ERBB4: variants seen among roughly 807,000 people sequenced by gnomAD.
ERBB4 encodes the protein erb-b2 receptor tyrosine kinase 4.
A neutral mutation model predicts 158.0 loss-of-function variants in ERBB4; 42 were observed. The observed-to-expected ratio is 0.27, with a 90% CI of 0.21 to 0.34. The LOEUF is 0.34. Ranked by LOEUF, ERBB4 falls within the 10% of genes least tolerant of loss-of-function variation. The pLI is 1.00. For synonymous variants in ERBB4, 583 were observed against 558.7 expected (o/e 1.04, Z -0.61); for missense variants, 1,333 against 1,624.1 (o/e 0.82, Z 3.08).
chr2:211,901,120 A>G (rs938240021), intron 3 of ERBB4, among the ~76,000 whole-genome samples: 7 of 152,148 alleles, frequency 4.6e-5, no homozygotes, highest in African/African-American at 1.7e-4. Flanking sequence ...GATGATGGTG[A>G]ATGAGAGCAT....
At chr2:211,535,902 T>A (rs1482287675) in intron 20 of ERBB4, 1 of 152,070 alleles carries the variant, frequency 6.6e-6, no homozygotes, top group Non-Finnish European at 1.5e-5. Flanking sequence ...ATTATGATAT[T>A]GTGTGCATTT....
intron 1 of ERBB4, among the ~76,000 whole-genome samples, chr2:212,537,932 C>T (rs1334027843): frequency 6.6e-6 from 1 of 152,128 alleles, no homozygotes; most frequent in East Asian, 1.9e-4. Flanking sequence ...AAGGCTCGGG[C>T]GACTGGGGGC....
intron 1 of ERBB4, among the ~76,000 whole-genome samples, chr2:212,402,136 T>C (rs2106465333): frequency 6.6e-6 from 1 of 152,136 alleles, no homozygotes; most frequent in South Asian, 2.1e-4. Flanking sequence ...AGGTGAATGG[T>C]TTAATAAACA....
At chr2:212,450,175 A>G (rs1283312) in intron 1 of ERBB4, among the ~76,000 whole-genome samples, 150,853 of 152,254 alleles carry the variant, frequency 0.99, 74,828 homozygotes, top group Middle Eastern at 1. Flanking sequence ...TAACCTAAAT[A>G]GCAACAGAAT....
intron 20 of ERBB4, among the ~76,000 whole-genome samples, chr2:211,505,996 G>A (rs1422011240): frequency 6.7e-6 from 1 of 150,206 alleles, no homozygotes; most frequent in South Asian, 2.1e-4. Flanking sequence ...AGGTAAACTG[G>A]ATTAAAGAAA....
intron 20 of ERBB4, among the ~76,000 whole-genome samples, chr2:211,487,562 T>C (rs1219995337): frequency 6.6e-6 from 1 of 152,094 alleles, no homozygotes; most frequent in African/African-American, 2.4e-5. Flanking sequence ...TTTTCTATTT[T>C]ATTGTACAAG....
chr2:211,591,586 G>T lies in ERBB4; in HGVS notation c.2301+27591C>A, dbSNP rs116605279. 7.9e-3 allele frequency among the ~76,000 whole-genome samples: 1,207 copies of T among 152,298 alleles called. 20 individuals are homozygous for T. The highest frequency in any genetic ancestry group is 0.028 in the African/African-American group (1,148 of 41,552). ...ATCATCTCCAAGCCCTCTGGGCAGA[G>T]TAAGCACTCTGTTCTCCAGGCTCCC... is the stretch of plus-strand genomic sequence containing the variant. On this transcript the variant is annotated intron_variant, in intron 19 of 27. Transcript: ENST00000342788.
At chr2:211,516,045 G>C (rs1265997714) in intron 20 of ERBB4, among the ~76,000 whole-genome samples, 1 of 149,388 alleles carries the variant, frequency 6.7e-6, no homozygotes, top group African/African-American at 2.5e-5. Context: ...CTCCTGAGTA[G>C]CTGGGACTAC....
chr2:212,426,521 C>A (rs1308987249), intron 1 of ERBB4, among the ~76,000 whole-genome samples: 1 of 151,880 alleles, frequency 6.6e-6, no homozygotes, highest in African/African-American at 2.4e-5. Flanking sequence ...TCTACCACTG[C>A]TCTTTGGCTT....
intron 2 of ERBB4, among the ~76,000 whole-genome samples, chr2:212,074,092 T>A (rs567392332): frequency 1.3e-5 from 2 of 152,158 alleles, no homozygotes; most frequent in East Asian, 3.9e-4. Context: ...AGGTGAAGCA[T>A]GAGTCAAATA....
intron 1 of ERBB4, among the ~76,000 whole-genome samples, chr2:212,304,809 C>G (rs1039683439): frequency 1.3e-5 from 2 of 150,896 alleles, no homozygotes; most frequent in Non-Finnish European, 3.0e-5. Flanking sequence ...ATATTGAAAC[C>G]TACAATAAAA....
At chr2:212,218,600 A>T (rs1352737934) in intron 1 of ERBB4, among the ~76,000 whole-genome samples, 1 of 151,346 alleles carries the variant, frequency 6.6e-6, no homozygotes, top group African/African-American at 2.4e-5. Context: ...TGCCTTCAAC[A>T]CTGTTCATCA....
At chr2:211,842,822 A>G (rs529828807) in intron 3 of ERBB4, among the ~76,000 whole-genome samples, 2 of 152,272 alleles carry the variant, frequency 1.3e-5, no homozygotes, top group South Asian at 4.1e-4. Context: ...TGTCTTTTTA[A>G]ATTATTACAT....
At chr2:211,539,375 C>T (rs2066738252) in intron 20 of ERBB4, among the ~76,000 whole-genome samples, 1 of 151,656 alleles carries the variant, frequency 6.6e-6, no homozygotes, top group Admixed American at 6.6e-5. Flanking sequence ...TAAAACATAC[C>T]ACGTCTGTAG....
intron 2 of ERBB4, among the ~76,000 whole-genome samples, chr2:211,982,134 A>G (rs1333530996): frequency 6.6e-6 from 1 of 151,980 alleles, no homozygotes; most frequent in East Asian, 1.9e-4. Context: ...ATTTTAATAA[A>G]TTTATAAATA....
intron 19 of ERBB4, among the ~76,000 whole-genome samples, chr2:211,613,674 A>G (rs2069281486): frequency 6.6e-6 from 1 of 152,094 alleles, no homozygotes; most frequent in Admixed American, 6.6e-5. Context: ...GGTGCTCAAT[A>G]TCACTGATCA....
intron 2 of ERBB4, among the ~76,000 whole-genome samples, chr2:212,018,365 C>G (rs12476077): frequency 0.11 from 17,219 of 152,052 alleles, 1,479 homozygotes; most frequent in East Asian, 0.3. Flanking sequence ...TCCCAGTATT[C>G]CTGGGGGATA....
At chr2:212,027,362 A>T (rs2076797553) in intron 2 of ERBB4, among the ~76,000 whole-genome samples, 1 of 152,098 alleles carries the variant, frequency 6.6e-6, no homozygotes, top group Non-Finnish European at 1.5e-5. Flanking sequence ...TGCATAAGTC[A>T]AATTGGGTAT....
chr2:212,192,047 T>TATATGTTATATATTATATGTTATAA (rs1559707798), intron 1 of ERBB4, among the ~76,000 whole-genome samples: 4 of 87,484 alleles, frequency 4.6e-5, no homozygotes, highest in African/African-American at 1.3e-4. Context: ...GTTATATATA[T>TATATGTTATATATTATATGTTATAA]GTTATATGTT....
Sources: allele counts gnomAD v4.1 joint callset (sites outside exome capture counted in the v4.1 genomes callset), GRCh38; gene constraint gnomAD v4.1.1; transcripts MANE v1.5; gene names NCBI Gene and HGNC (gene_info 2026-07-23, HGNC 2026-07-21).